Variants in ZNF385D observed in about 807,000 individuals in gnomAD.
ZNF385D encodes the protein zinc finger protein 659.
A neutral mutation model predicts 35.8 loss-of-function variants in ZNF385D; 15 were observed. The observed-to-expected ratio is 0.42, with a 90% CI of 0.28 to 0.64. The LOEUF (loss-of-function observed/expected upper bound fraction) is 0.64, where lower values mean the gene tolerates loss of function less well. Among genes scored for constraint, ZNF385D ranks in the 30% least tolerant of loss-of-function variants. The pLI is 0.23. For missense variants in ZNF385D, 474 were observed against 494.6 expected (o/e 0.96, Z 0.39); for synonymous variants, 212 against 186.8 (o/e 1.13, Z -1.10).
At chr3:21,729,576 C>T (rs1411248652) in intron 1 of ZNF385D, among the ~76,000 whole-genome samples, 1 of 152,162 alleles carries the variant, frequency 6.6e-6, no homozygotes, top group Non-Finnish European at 1.5e-5. Flanking sequence ...TTTGGGCTCA[C>T]CCAGTGACTT....
chr3:21,507,450 T>C (rs1218151132), intron 4 of ZNF385D, among the ~76,000 whole-genome samples: 3 of 152,196 alleles, frequency 2.0e-5, no homozygotes, highest in Non-Finnish European at 4.4e-5. Flanking sequence ...CTATCTTTTA[T>C]ATATGGACAA....
chr3:21,700,511 A>G (rs1166592684), intron 1 of ZNF385D, among the ~76,000 whole-genome samples: 2 of 152,164 alleles, frequency 1.3e-5, no homozygotes, highest in Non-Finnish European at 2.9e-5. Flanking sequence ...AACAGCCAGG[A>G]TTAACCCATC....
chr3:22,256,828 G>A (rs536283252), intron 2 of ZNF385D, among the ~76,000 whole-genome samples: 17 of 151,652 alleles, frequency 1.1e-4, no homozygotes, highest in East Asian at 5.8e-4. Context: ...AAACTCTCTC[G>A]TCTTCACAGA....
rs766060959 is a variant in ZNF385D at position 22,351,435 on chromosome 3, A to C, written c.106+21015T>G. Reference sequence around the variant, plus strand: ...AAGACACAAGAGATATAAATAATAAAAGTTAACAAGCATAATTACTGAAAT... The same window carrying C: ...AAGACACAAGAGATATAAATAATAACAGTTAACAAGCATAATTACTGAAAT... On this transcript the variant is annotated intron_variant, in intron 2 of 5. Coordinates refer to the ZNF385D transcript ENST00000494108. 6.4e-4 allele frequency among the ~76,000 whole-genome samples: 98 copies of C among 152,228 alleles called. 1 individual carries two copies. Among genetic ancestry groups the C allele is most frequent in the Admixed American group, 1.5e-3 (23 of 15,284 alleles).
intron 2 of ZNF385D, among the ~76,000 whole-genome samples, chr3:22,367,299 C>G (rs998282527): frequency 6.6e-6 from 1 of 152,194 alleles, no homozygotes; most frequent in South Asian, 2.1e-4. Context: ...ATTCTCACCA[C>G]TTTTAAAGAA....
At chr3:22,339,140 G>T (rs977555676) in intron 2 of ZNF385D, among the ~76,000 whole-genome samples, 6 of 152,002 alleles carry the variant, frequency 3.9e-5, no homozygotes, top group Admixed American at 3.9e-4. Flanking sequence ...GCTCCTGTAC[G>T]CTGCCTTGCT....
At chr3:22,229,709 C>T (rs1010671871) in intron 2 of ZNF385D, among the ~76,000 whole-genome samples, 3 of 152,314 alleles carry the variant, frequency 2.0e-5, no homozygotes, top group African/African-American at 7.2e-5. Flanking sequence ...TGATGGACGA[C>T]CACCTACAGC....
chr3:21,842,827 A>G (rs919889527), intron 3 of ZNF385D, among the ~76,000 whole-genome samples: 4 of 152,086 alleles, frequency 2.6e-5, no homozygotes, highest in African/African-American at 9.6e-5. Flanking sequence ...TATTTTGATA[A>G]GGACATTTCT....
At chr3:22,159,698 T>A (rs79119873) in intron 3 of ZNF385D, among the ~76,000 whole-genome samples, 2,717 of 152,174 alleles carry the variant, frequency 0.018, 71 homozygotes, top group African/African-American at 0.061. Context: ...CACAGTGAAA[T>A]TAGCATTTTT....
chr3:21,872,105 A>G (rs1317463919), intron 3 of ZNF385D, among the ~76,000 whole-genome samples: 2 of 152,164 alleles, frequency 1.3e-5, no homozygotes, highest in Non-Finnish European at 2.9e-5. Flanking sequence ...ATATCATCCT[A>G]TTTAAGGTCT....
At chr3:22,126,291 G>A (rs1488572816) in intron 3 of ZNF385D, among the ~76,000 whole-genome samples, 2 of 142,276 alleles carry the variant, frequency 1.4e-5, no homozygotes, top group Non-Finnish European at 3.0e-5. Flanking sequence ...TGCATCATTA[G>A]GTTATGTATT....
intron 2 of ZNF385D, among the ~76,000 whole-genome samples, chr3:21,583,467 C>T (rs1302949715): frequency 6.6e-6 from 1 of 152,166 alleles, no homozygotes; most frequent in Non-Finnish European, 1.5e-5. Flanking sequence ...AAAACAGCTT[C>T]AGATGAAGAA....
At chr3:21,446,487 C>CTTTTTTTTT (rs71044918) in intron 4 of ZNF385D, among the ~76,000 whole-genome samples, 7 of 91,854 alleles carry the variant, frequency 7.6e-5, no homozygotes, top group South Asian at 3.6e-4. Context: ...AATCAATGAA[C>CTTTTTTTTT]TTTTTTTTTT....
At chr3:21,825,293 A>G (rs536753392) in intron 3 of ZNF385D, among the ~76,000 whole-genome samples, 1 of 152,262 alleles carries the variant, frequency 6.6e-6, no homozygotes, top group Admixed American at 6.5e-5. Flanking sequence ...CTCATGTATC[A>G]CTTGTTTTCT....
At chr3:21,810,298 C>A (rs2072858220) in intron 3 of ZNF385D, among the ~76,000 whole-genome samples, 2 of 150,432 alleles carry the variant, frequency 1.3e-5, no homozygotes, top group Admixed American at 6.6e-5. Flanking sequence ...TATAGAAAAG[C>A]ACTTACCATT....
At chr3:22,255,226 A>G (rs1422739983) in intron 2 of ZNF385D, among the ~76,000 whole-genome samples, 1 of 151,702 alleles carries the variant, frequency 6.6e-6, no homozygotes, top group Non-Finnish European at 1.5e-5. Context: ...AATCACCAAT[A>G]TCTTGAGGAA....
At chr3:21,501,770 T>C (rs1203519272) in intron 4 of ZNF385D, among the ~76,000 whole-genome samples, 4 of 152,198 alleles carry the variant, frequency 2.6e-5, no homozygotes, top group Non-Finnish European at 5.9e-5. Context: ...CACATAAAAA[T>C]GAGGAGGAAA....
At chr3:21,944,141 C>T (rs1701664246) in intron 3 of ZNF385D, among the ~76,000 whole-genome samples, 1 of 152,184 alleles carries the variant, frequency 6.6e-6, no homozygotes, top group Admixed American at 6.5e-5. Flanking sequence ...ATACAGCACT[C>T]TTCTTTTCTA....
chr3:22,109,614 T>C (rs888167366), intron 3 of ZNF385D, among the ~76,000 whole-genome samples: 17 of 152,124 alleles, frequency 1.1e-4, no homozygotes, highest in African/African-American at 4.1e-4. Flanking sequence ...CCTATTATTA[T>C]TGTGTGGGAG....
Sources: allele counts gnomAD v4.1 joint callset (sites outside exome capture counted in the v4.1 genomes callset), GRCh38; gene constraint gnomAD v4.1.1; transcripts MANE v1.5; gene names NCBI Gene and HGNC (gene_info 2026-07-23, HGNC 2026-07-21).